The following FCRL6 variants were observed in gnomAD, a reference collection of about 807,000 sequenced individuals.
FCRL6 encodes Fc receptor like 6.
A neutral mutation model predicts 49.1 loss-of-function variants in FCRL6; 50 were observed. The ratio of observed to expected loss-of-function variants is 1.02; its 90% confidence interval spans 0.81 to 1.29. The LOEUF (loss-of-function observed/expected upper bound fraction) is 1.29, where lower values mean the gene tolerates loss of function less well. Among genes scored for constraint, FCRL6 ranks in the 50% most tolerant of loss-of-function variants. The probability of loss-of-function intolerance (pLI) is 0.00; values close to 1 mark genes in which losing one functional copy is unlikely to be tolerated. For missense variants in FCRL6, 571 were observed against 518.5 expected (o/e 1.10, Z -0.98); for synonymous variants, 213 against 199.6 (o/e 1.07, Z -0.57).
intron 8 of FCRL6, among the ~76,000 whole-genome samples, chr1:159,814,933 C>T (rs1000564714): frequency 3.9e-5 from 6 of 152,154 alleles, no homozygotes; most frequent in East Asian, 1.9e-4. Flanking sequence ...CCTCTCTGGG[C>T]CTAATCTGCA....
At position 159,810,082 on chromosome 1, in the gene FCRL6, C is replaced by G. The variant is rs776336910; in HGVS notation, c.887-12C>G. ...TCAGTGCTCATGGCCACCTTCTTCT[C>G]CCTGCTCCCAGGTTCTCAAGTCTTG... On this transcript the variant is annotated splice_polypyrimidine_tract_variant and intron_variant, in intron 5 of 9. Transcript: ENST00000368106. 6.8e-6 allele frequency: 11 copies of G among 1,608,332 alleles called. No individual in the cohort carries two copies. Among genetic ancestry groups the G allele is most frequent in the Non-Finnish European group, 9.3e-6 (11 of 1,177,996 alleles).
At chr1:159,815,133 A>G (rs1232877906) in intron 8 of FCRL6, among the ~76,000 whole-genome samples, 1 of 152,206 alleles carries the variant, frequency 6.6e-6, no homozygotes, top group Non-Finnish European at 1.5e-5. Context: ...ATGGGTTTGA[A>G]TTGGCGTAGG....
intron 1 of FCRL6, 111 bp from the exon 2 acceptor site, chr1:159,806,485 C>T: frequency 4.3e-6 from 4 of 926,568 alleles, no homozygotes; most frequent in Non-Finnish European, 7.2e-6. Context: ...GGTTTGGTGG[C>T]CGGGTGGTTG....
chr1:159,808,549 C>G, intron 3 of FCRL6, 105 bp downstream of exon 3: 2 of 1,416,668 alleles, frequency 1.4e-6, no homozygotes, highest in Non-Finnish European at 2.0e-6. Context: ...CTGGCTGCCC[C>G]TCATGCTGGG....
chr1:159,803,212 G>A (rs2101728722), intron 1 of FCRL6, among the ~76,000 whole-genome samples: 1 of 152,320 alleles, frequency 6.6e-6, no homozygotes, highest in Non-Finnish European at 1.5e-5. Flanking sequence ...TGCACGCAGA[G>A]GGTCACTGGG....
In FCRL6 at chr1:159,815,530, C is replaced by T. The variant is rs769546369; in HGVS notation, c.1180-6C>T. On this transcript the variant is annotated splice_polypyrimidine_tract_variant and splice_region_variant and intron_variant, in intron 9 of 9. Coordinates refer to ENST00000368106, the MANE Select transcript of FCRL6 (RefSeq NM_001004310.3). ...GCTTCCTCATCCTGAGCCAACTCTT[C>T]CACAGGACAGTTCTATCATCTGTGC... The T allele has an allele frequency of 6.2e-7, 1 of 1,614,180 alleles. No homozygotes were observed. Among genetic ancestry groups the T allele is most frequent in the Non-Finnish European group, 8.5e-7 (1 of 1,180,000 alleles).
Position 159,809,466 on chromosome 1 carries a change from G to A in FCRL6, c.669G>A (p.Met223Ile). 1.2e-6 allele frequency: 2 copies of A among 1,614,000 alleles called. No homozygotes were observed. Among genetic ancestry groups the A allele is most frequent in the Non-Finnish European group, 1.7e-6 (2 of 1,179,912 alleles). ...HGPADPAVGD[M>I]VQLLCEAQRG... ...CTGCTGACCCTGCTGTGGGGGACAT[G>A]GTGCAGCTCCTCTGTGAGGCACAGA... Residue 223 changes from methionine (M) to isoleucine (I), a missense_variant, in exon 5 of 10, where the codon ATG (methionine) becomes ATA (isoleucine). Met to Ile is a conservative substitution (Grantham distance 10, BLOSUM62 1). Coordinates refer to ENST00000368106, the MANE Select transcript of FCRL6 (RefSeq NM_001004310.3).
chr1:159,805,388 T>C (rs1662614565), intron 1 of FCRL6, among the ~76,000 whole-genome samples: 1 of 151,906 alleles, frequency 6.6e-6, no homozygotes, highest in African/African-American at 2.4e-5. Flanking sequence ...TTATGTAAAA[T>C]ACCTAGGACA....
rs542844278 is a variant in FCRL6 at position 159,808,479 on chromosome 1, G to A, written c.319+35G>A. 51 of 1,613,386 alleles carry A rather than the reference G, an allele frequency of 3.2e-5. No individual in the cohort carries two copies. In the South Asian group the frequency reaches 4.8e-4, roughly 15 times the overall value. On this transcript the variant is annotated intron_variant, in intron 3 of 9. Coordinates refer to ENST00000368106, the MANE Select transcript of FCRL6 (RefSeq NM_001004310.3). ...CAGCTTGGGAGTTTGTGGGGCAGGA[G>A]GTGCTGCTCAAGGGTCCCGTTTCTA...
upstream of FCRL6, chr1:159,802,333 C>A: frequency 6.7e-7 from 1 of 1,485,480 alleles, no homozygotes; most frequent in South Asian, 1.2e-5. Context: ...GCCACCCACC[C>A]ACCTTCGGTC....
At chr1:159,800,853 A>G (rs1348654818), upstream of FCRL6, among the ~76,000 whole-genome samples, 1 of 152,178 alleles carries the variant, frequency 6.6e-6, no homozygotes, top group Middle Eastern at 3.2e-3. Flanking sequence ...GATTTCCAGG[A>G]AGAACTTTAC....
chr1:159,814,532 C>T (rs758749459), intron 8 of FCRL6, among the ~76,000 whole-genome samples: 12 of 152,190 alleles, frequency 7.9e-5, no homozygotes, highest in East Asian at 1.9e-4. Flanking sequence ...TCCACTACCA[C>T]GCTCACCACA....
In FCRL6 at chr1:159,814,126, G is replaced by A. The variant is rs141486088; in HGVS notation, c.1076-95G>A. The A allele has an allele frequency of 5.3e-4, 605 of 1,131,102 alleles. 6 individuals carry two copies. In the East Asian group the frequency reaches 0.013, roughly 24 times the overall value. The allele number at this position is 1,131,102 out of a possible 1,614,324, so 70.1% of individuals were successfully genotyped here. A position where few individuals can be genotyped will look rare whatever the true frequency, so the allele number is the denominator to read the frequency against. On this transcript the variant is annotated intron_variant, in intron 7 of 9. Transcript: ENST00000368106. ...CATTGCCACTTATCACCATAACAGA[G>A]CCCCTGATGGGCTTCTCTCCATGTC... is the stretch of plus-strand genomic sequence containing the variant.
chr1:159,803,232 A>C (rs189021944), intron 1 of FCRL6, among the ~76,000 whole-genome samples: 26 of 152,304 alleles, frequency 1.7e-4, no homozygotes, highest in Non-Finnish European at 1.5e-5. Context: ...GCTCCCCCAG[A>C]CCCAGCTCAG....
chr1:159,806,562 C>T, intron 1 of FCRL6, 34 bp from the exon 2 acceptor site: 1 of 1,606,694 alleles, frequency 6.2e-7, no homozygotes, highest in East Asian at 2.2e-5. Flanking sequence ...CTTTTTGCTA[C>T]TTAACCTAAT....
Position 159,809,475 on chromosome 1 carries a change from C to T in FCRL6, c.678C>T (p.Leu226=). 6.2e-7 allele frequency: 1 copy of T among 1,614,120 alleles called. No individual in the cohort carries two copies. The highest frequency in any genetic ancestry group is 1.1e-5 in the South Asian group (1 of 91,082). ...ADPAVGDMVQ[L]LCEAQRGSPP... ...CTGCTGTGGGGGACATGGTGCAGCT[C>T]CTCTGTGAGGCACAGAGGGGCTCCC... The change falls in exon 5 of 10, where the codon CTC becomes CTT. Residue 226 remains leucine (L), a synonymous_variant. Coordinates refer to ENST00000368106, the MANE Select transcript of FCRL6 (RefSeq NM_001004310.3).
intron 1 of FCRL6, among the ~76,000 whole-genome samples, chr1:159,804,966 G>GA (rs1662582997): frequency 6.6e-6 from 1 of 152,048 alleles, no homozygotes; most frequent in African/African-American, 2.4e-5. Context: ...TACACTGTAA[G>GA]AAAAAAATGA....
chr1:159,807,928 G>A (rs1021579332), intron 2 of FCRL6, among the ~76,000 whole-genome samples: 1 of 151,812 alleles, frequency 6.6e-6, no homozygotes, highest in Non-Finnish European at 1.5e-5. Context: ...GGAAAGAAGG[G>A]GAGGGGAAGG....
intron 8 of FCRL6, 113 bp from the exon 9 acceptor site, chr1:159,815,315 C>A: frequency 8.7e-7 from 1 of 1,154,920 alleles, no homozygotes; most frequent in Non-Finnish European, 1.2e-6. Context: ...GGAATCTCCC[C>A]TGGCTGGCTT....
Sources: allele counts gnomAD v4.1 joint callset (sites outside exome capture counted in the v4.1 genomes callset), GRCh38; gene constraint gnomAD v4.1.1; transcripts MANE v1.5; gene names NCBI Gene and HGNC (gene_info 2026-07-23, HGNC 2026-07-21).